PROSER3: variants seen among roughly 807,000 people sequenced by gnomAD.
The protein encoded by PROSER3 is proline and serine rich 3, also known as proline and serine-rich protein 3.
In PROSER3, 33 loss-of-function variants were observed where a neutral mutation model predicts 50.2. That is an observed-to-expected ratio of 0.66 (90% CI 0.50 to 0.88). The LOEUF (loss-of-function observed/expected upper bound fraction) is 0.88, where lower values mean the gene tolerates loss of function less well. Ranked by LOEUF, PROSER3 falls within the 40% of genes least tolerant of loss-of-function variation. The probability of loss-of-function intolerance (pLI) is 0.00; values close to 1 mark genes in which losing one functional copy is unlikely to be tolerated. For synonymous variants in PROSER3, 266 were observed against 259.3 expected (o/e 1.03, Z -0.25); for missense variants, 623 against 612.7 (o/e 1.02, Z -0.18).
At chr19:35,761,501 G>A (rs551106013) in intron 3 of PROSER3, among the ~76,000 whole-genome samples, 20 of 151,988 alleles carry the variant, frequency 1.3e-4, no homozygotes, top group Non-Finnish European at 1.8e-4. Context: ...GTGAAACTCC[G>A]TCTCTACCAA....
At chr19:35,761,472 G>T (rs1970950892) in intron 3 of PROSER3, among the ~76,000 whole-genome samples, 1 of 152,144 alleles carries the variant, frequency 6.6e-6, no homozygotes, top group Non-Finnish European at 1.5e-5. Context: ...AGGAGTTTGA[G>T]ACCAGCCTGA....
At chr19:35,758,219 G>T (rs1307326879) in exon 1 of PROSER3, 4 of 1,561,988 alleles carry the variant, frequency 2.6e-6, no homozygotes, top group Admixed American at 3.8e-5. Flanking sequence ...CCGCGGGATG[G>T]ACCGCAGGTG....
chr19:35,765,148 C>T, exon 7 of PROSER3: 4 of 1,613,830 alleles, frequency 2.5e-6, no homozygotes, highest in Non-Finnish European at 3.4e-6. Flanking sequence ...TCCCTGACTC[C>T]AGCAAGGGCC....
exon 11 of PROSER3, chr19:35,768,792 A>G: frequency 2.7e-6 from 1 of 376,948 alleles, no homozygotes; most frequent in Non-Finnish European, 4.6e-6. Flanking sequence ...ACTTCTGGCA[A>G]GACTGGGACC....
intron 3 of PROSER3, among the ~76,000 whole-genome samples, chr19:35,760,293 C>T (rs889229025): frequency 6.6e-6 from 1 of 152,096 alleles, no homozygotes; most frequent in African/African-American, 2.4e-5. Context: ...TCACAGCTCA[C>T]TATAACCTCA....
intron 3 of PROSER3, among the ~76,000 whole-genome samples, chr19:35,761,069 G>A (rs564038334): frequency 4.6e-5 from 7 of 152,340 alleles, no homozygotes; most frequent in Non-Finnish European, 7.3e-5. Flanking sequence ...GTTGCTGTCC[G>A]AACTCTAGGC....
downstream of PROSER3, chr19:35,769,785 C>T (rs553190545): frequency 6.6e-6 from 1 of 152,500 alleles, no homozygotes; most frequent in East Asian, 1.9e-4. Context: ...GGCTGTAGTA[C>T]AATGGCATGA....
intron 8 of PROSER3, 32 bp from the exon 9 acceptor site, chr19:35,767,039 TC>T (rs1802305263): frequency 1.4e-5 from 20 of 1,409,592 alleles, no homozygotes; most frequent in Non-Finnish European, 1.9e-5. Flanking sequence ...ACCCTCTCTC[TC>T]TCTGTCTCAG....
At chr19:35,767,294 C>A in intron 8 of PROSER3, 1 of 304,380 alleles carries the variant, frequency 3.3e-6, no homozygotes, top group Non-Finnish European at 6.1e-6. Flanking sequence ...GGCTGTTCCT[C>A]CCACGCAGCA....
At chr19:35,768,862 C>T (rs548618432) in exon 11 of PROSER3, 25 of 214,092 alleles carry the variant, frequency 1.2e-4, no homozygotes, top group East Asian at 7.8e-4. Flanking sequence ...CTGCCCTCCA[C>T]GGAGGAAGCT....
intron 2 of PROSER3, 138 bp from the exon 3 acceptor site, chr19:35,759,651 C>G (rs1283245669): frequency 9.9e-7 from 1 of 1,013,044 alleles, no homozygotes; most frequent in Non-Finnish European, 1.5e-6. Context: ...ATCTGAGCCC[C>G]CATCACACTA....
chr19:35,767,540 C>T (rs1353727433), intron 8 of PROSER3: 4 of 528,274 alleles, frequency 7.6e-6, no homozygotes, highest in Non-Finnish European at 1.3e-5. Flanking sequence ...GCCTAAGAGC[C>T]TGGGGCCCAA....
intron 2 of PROSER3, 143 bp downstream of exon 2, chr19:35,759,613 G>A: frequency 2.0e-6 from 2 of 982,418 alleles, no homozygotes; most frequent in Non-Finnish European, 1.5e-6. Flanking sequence ...CCCTGCCCTT[G>A]TCCCCCTCTC....
At chr19:35,767,497 C>G in intron 8 of PROSER3, 1 of 410,072 alleles carries the variant, frequency 2.4e-6, no homozygotes, top group Non-Finnish European at 4.4e-6. Flanking sequence ...TCCCCCAGGG[C>G]CTGCCCATCC....
exon 11 of PROSER3, chr19:35,768,582 T>TG: frequency 6.5e-7 from 1 of 1,527,736 alleles, no homozygotes; most frequent in Non-Finnish European, 8.7e-7. Context: ...GAGGCTCTTT[T>TG]TTTTTTTTTC....
At chr19:35,758,338 C>T (rs1970838466) in intron 1 of PROSER3, 112 bp downstream of exon 1, 36 of 1,341,358 alleles carry the variant, frequency 2.7e-5, no homozygotes, top group Non-Finnish European at 3.4e-5. Flanking sequence ...GGCTCCACCG[C>T]ACTGGAACTA....
chr19:35,760,476 T>C lies in PROSER3; in HGVS notation c.311+485T>C, dbSNP rs1599746889. Among the ~76,000 whole-genome samples the C allele has an allele frequency of 3.3e-5, 5 of 152,252 alleles. 1 individual carries two copies. The East Asian group carries it at 9.6e-4, about 29-fold the overall frequency. On this transcript the variant is annotated intron_variant, in intron 3 of 10. Transcript: ENST00000396908. ...ATTTATCTCTAAATTGGGTGTTTTGTTTTGTTTTGTTTTTGTTTTTGTTTT... is the reference window on the plus strand; with the variant it reads ...ATTTATCTCTAAATTGGGTGTTTTGCTTTGTTTTGTTTTTGTTTTTGTTTT...
chr19:35,760,713 C>G (rs1377751515), intron 3 of PROSER3, among the ~76,000 whole-genome samples: 1 of 152,118 alleles, frequency 6.6e-6, no homozygotes, highest in Non-Finnish European at 1.5e-5. Flanking sequence ...TCTCAAACTC[C>G]TGACCTCAGG....
At chr19:35,766,996 G>A in intron 8 of PROSER3, 41 bp downstream of exon 8, 2 of 1,526,428 alleles carry the variant, frequency 1.3e-6, no homozygotes, top group South Asian at 2.5e-5. Context: ...AGCTGGAGGA[G>A]GGGCTGGGTC....
Sources: allele counts gnomAD v4.1 joint callset (sites outside exome capture counted in the v4.1 genomes callset), GRCh38; gene constraint gnomAD v4.1.1; transcripts MANE v1.5; gene names NCBI Gene and HGNC (gene_info 2026-07-23, HGNC 2026-07-21).